DKK2: variants seen among roughly 807,000 people sequenced by gnomAD.
DKK2 encodes the protein dickkopf Wnt signaling pathway inhibitor 2, also known as dickkopf-related protein 2.
DKK2 carries 11 observed loss-of-function variants against 28.1 expected under a neutral mutation model. The observed-to-expected ratio is 0.39, with a 90% CI of 0.25 to 0.65. DKK2 has a LOEUF of 0.65. Among genes scored for constraint, DKK2 ranks in the 30% least tolerant of loss-of-function variants. DKK2 has a pLI of 0.47. For synonymous variants in DKK2, 135 were observed against 126.5 expected (o/e 1.07, Z -0.45); for missense variants, 326 against 335.5 (o/e 0.97, Z 0.22).
At chr4:107,033,173 A>G (rs917746816) in intron 1 of DKK2, among the ~76,000 whole-genome samples, 7 of 152,188 alleles carry the variant, frequency 4.6e-5, no homozygotes, top group African/African-American at 1.7e-4. Flanking sequence ...ATTTTGTTTT[A>G]CCTTCATCTT....
At chr4:106,938,746 C>CA (rs1328614739) in intron 1 of DKK2, among the ~76,000 whole-genome samples, 2 of 151,988 alleles carry the variant, frequency 1.3e-5, no homozygotes, top group African/African-American at 4.8e-5. Context: ...AGCAGCACAT[C>CA]AAAAAGCTTA....
chr4:106,928,276 T>A (rs1324980913), intron 1 of DKK2, among the ~76,000 whole-genome samples: 1 of 152,154 alleles, frequency 6.6e-6, no homozygotes, highest in Non-Finnish European at 1.5e-5. Context: ...AAATAGAAAG[T>A]ATATTAGAAA....
chr4:107,019,254 A>T (rs1449067591), intron 1 of DKK2, among the ~76,000 whole-genome samples: 1 of 152,062 alleles, frequency 6.6e-6, no homozygotes, highest in Non-Finnish European at 1.5e-5. Context: ...TGGTCTTCTC[A>T]CTTAACGAGG....
At chr4:106,984,948 G>A (rs1356169251) in intron 1 of DKK2, among the ~76,000 whole-genome samples, 3 of 152,164 alleles carry the variant, frequency 2.0e-5, no homozygotes, top group Admixed American at 2.0e-4. Flanking sequence ...GGTGGCTCAC[G>A]CCTGTAATCC....
intron 1 of DKK2, among the ~76,000 whole-genome samples, chr4:106,957,164 A>G (rs1488735165): frequency 6.6e-6 from 1 of 152,188 alleles, no homozygotes; most frequent in African/African-American, 2.4e-5. Flanking sequence ...GCTCATCATC[A>G]CTGGCCATCA....
intron 1 of DKK2, among the ~76,000 whole-genome samples, chr4:106,944,249 T>G (rs1017701267): frequency 6.6e-6 from 1 of 152,088 alleles, no homozygotes; most frequent in Non-Finnish European, 1.5e-5. Context: ...CCCAAACATT[T>G]ATATGATGTC....
intron 1 of DKK2, among the ~76,000 whole-genome samples, chr4:106,987,015 C>T (rs1027337131): frequency 6.6e-6 from 1 of 152,114 alleles, no homozygotes; most frequent in African/African-American, 2.4e-5. Flanking sequence ...TTATTGTTGG[C>T]TTATGTTTGA....
intron 1 of DKK2, among the ~76,000 whole-genome samples, chr4:107,034,570 CCT>C (rs1723933105): frequency 6.6e-6 from 1 of 152,172 alleles, no homozygotes; most frequent in Admixed American, 6.5e-5. Context: ...CGGAAAGTTC[CCT>C]CTCTCAAAAA....
At chr4:107,031,251 T>C (rs1238282143) in intron 1 of DKK2, among the ~76,000 whole-genome samples, 1 of 151,994 alleles carries the variant, frequency 6.6e-6, no homozygotes, top group Non-Finnish European at 1.5e-5. Flanking sequence ...AGAGAGGCTA[T>C]CAGATTATTT....
At chr4:106,975,749 C>G (rs1722934467) in intron 1 of DKK2, among the ~76,000 whole-genome samples, 1 of 152,110 alleles carries the variant, frequency 6.6e-6, no homozygotes, top group Admixed American at 6.6e-5. Context: ...TTCAGTTCCA[C>G]TCGAATCTTA....
chr4:106,924,018 C>T lies in DKK2; in HGVS notation c.716G>A (p.Cys239Tyr). The T allele has an allele frequency of 1.9e-6, 3 of 1,613,994 alleles. No individual in the cohort carries two copies. The highest frequency in any genetic ancestry group is 2.5e-6 in the Non-Finnish European group (3 of 1,179,936). Residue 239 changes from cysteine to tyrosine, a missense_variant, in exon 4 of 4, where the codon TGC becomes TAC. Coordinates refer to ENST00000285311, the MANE Select transcript of DKK2 (RefSeq NM_014421.3). ...GTAGGTGGCATCTTTCCATACTTTG[C>T]AAGACAGGCCCTTCGCACAGTCGCA... ...QRCDCAKGLS[C>Y]KVWKDATYSS...
chr4:106,922,582 C>T lies in DKK2; in HGVS notation c.*1372G>A, dbSNP rs1482159473. On this transcript the variant is annotated 3_prime_UTR_variant, in exon 4 of 4. Transcript: ENST00000285311. ...GGTTTGGGAAGAAAATTGGATGATG[C>T]CATTGGCTAGTCAGAAGCTTATAGA... 1 of 152,136 alleles carries T rather than the reference C, an allele frequency of 6.6e-6. No homozygotes were observed. The highest frequency in any genetic ancestry group is 6.6e-5 in the Admixed American group (1 of 15,252). The allele number at this position is 152,136 out of a possible 1,614,324, so 9.4% of individuals were successfully genotyped here.
chr4:106,955,150 A>G (rs985537266), intron 1 of DKK2, among the ~76,000 whole-genome samples: 1 of 152,212 alleles, frequency 6.6e-6, no homozygotes, highest in Non-Finnish European at 1.5e-5. Context: ...CTTAAAAATA[A>G]TAAGTTACTG....
At chr4:107,010,316 A>T (rs1266187646) in intron 1 of DKK2, among the ~76,000 whole-genome samples, 1 of 151,738 alleles carries the variant, frequency 6.6e-6, no homozygotes, top group Non-Finnish European at 1.5e-5. Flanking sequence ...CTAAGTATGA[A>T]GTCATTAGGT....
At chr4:106,946,427 T>C (rs1317016140) in intron 1 of DKK2, among the ~76,000 whole-genome samples, 3 of 151,956 alleles carry the variant, frequency 2.0e-5, no homozygotes, top group Non-Finnish European at 4.4e-5. Context: ...TAGCCATGAG[T>C]TAAAAATTGT....
At chr4:107,014,921 C>T (rs1376992931) in intron 1 of DKK2, among the ~76,000 whole-genome samples, 5 of 151,480 alleles carry the variant, frequency 3.3e-5, no homozygotes, top group Non-Finnish European at 7.4e-5. Context: ...TTTACTTATT[C>T]ACCAATGTTA....
chr4:106,924,504 T>C (rs777013395), intron 3 of DKK2, 41 bp downstream of exon 3: 1 of 1,581,974 alleles, frequency 6.3e-7, no homozygotes. Flanking sequence ...TTCTTCTATT[T>C]CTTTATTTTA....
At chr4:106,951,005 A>G (rs1406678033) in intron 1 of DKK2, among the ~76,000 whole-genome samples, 1 of 149,136 alleles carries the variant, frequency 6.7e-6, no homozygotes, top group Admixed American at 6.7e-5. Flanking sequence ...ATGTATATGG[A>G]TTTTTTTTTT....
chr4:107,030,801 A>G (rs902956419), intron 1 of DKK2, among the ~76,000 whole-genome samples: 10 of 152,048 alleles, frequency 6.6e-5, no homozygotes, highest in African/African-American at 2.2e-4. Flanking sequence ...TAAGGAAATG[A>G]AGAAGAGCCA....
Sources: allele counts gnomAD v4.1 joint callset (sites outside exome capture counted in the v4.1 genomes callset), GRCh38; gene constraint gnomAD v4.1.1; transcripts MANE v1.5; gene names NCBI Gene and HGNC (gene_info 2026-07-23, HGNC 2026-07-21).